ARHGAP12: variants seen among roughly 807,000 people sequenced by gnomAD.
The protein encoded by ARHGAP12 is Rho GTPase activating protein 12.
Under a neutral mutation model 108.6 loss-of-function variants are expected in ARHGAP12, and 64 were observed. The ratio of observed to expected loss-of-function variants is 0.59; its 90% CI spans 0.48 to 0.73. The LOEUF is 0.73. Among genes scored for constraint, ARHGAP12 ranks in the 30% least tolerant of loss-of-function variants. ARHGAP12 has a pLI of 0.00. For synonymous variants in ARHGAP12, 312 were observed against 337.2 expected (o/e 0.93, Z 0.82); for missense variants, 940 against 1,005.9 (o/e 0.93, Z 0.89).
intron 13 of ARHGAP12, among the ~76,000 whole-genome samples, chr10:31,816,168 C>CATGTGT (rs764431709): frequency 7.3e-6 from 1 of 136,330 alleles, no homozygotes; most frequent in East Asian, 2.3e-4. Flanking sequence ...AAGAAAGAAA[C>CATGTGT]GTGTGTGTGT....
Position 31,807,501 on chromosome 10 carries a change from C to T in ARHGAP12, c.*157G>A. ...CAAAGCAGCAAATATGAGGGCCTAA[C>T]ACACATCTCGACTCTCCCCTTCCCT... On this transcript the variant is annotated 3_prime_UTR_variant, in exon 20 of 20. Coordinates refer to ENST00000344936, the MANE Select transcript of ARHGAP12 (RefSeq NM_018287.7). 2 of 572,178 alleles carry T rather than the reference C, an allele frequency of 3.5e-6. No individual in the cohort carries two copies. The highest frequency in any genetic ancestry group is 5.8e-6 in the Non-Finnish European group (2 of 344,806). The allele number at this position is 572,178 out of a possible 1,614,324, so 35.4% of individuals were successfully genotyped here.
chr10:31,855,584 TTAAACATTGAAAGCC>T (rs1836857697), intron 4 of ARHGAP12, among the ~76,000 whole-genome samples: 1 of 152,234 alleles, frequency 6.6e-6, no homozygotes, highest in Non-Finnish European at 1.5e-5. Flanking sequence ...GAAACATTTT[TTAAACATTGAAAGCC>T]TAATTCAAAA....
intron 3 of ARHGAP12, among the ~76,000 whole-genome samples, chr10:31,888,206 C>T (rs1027702200): frequency 6.6e-6 from 1 of 152,120 alleles, no homozygotes; most frequent in Non-Finnish European, 1.5e-5. Flanking sequence ...TGGCACCTCT[C>T]CCTTATTCTG....
chr10:31,921,679 G>A (rs1237587251), intron 1 of ARHGAP12, among the ~76,000 whole-genome samples: 1 of 146,960 alleles, frequency 6.8e-6, no homozygotes, highest in Non-Finnish European at 1.5e-5. Context: ...CAGGAGAATG[G>A]CTTGAACCCT....
chr10:31,820,735 TATAA>T (rs1286089358), intron 11 of ARHGAP12, among the ~76,000 whole-genome samples: 1 of 132,040 alleles, frequency 7.6e-6, no homozygotes, highest in Non-Finnish European at 1.6e-5. Context: ...TATATATATA[TATAA>T]AGCCAAACTG....
intron 9 of ARHGAP12, 111 bp downstream of exon 9, chr10:31,839,194 G>T: frequency 8.7e-7 from 1 of 1,143,814 alleles, no homozygotes; most frequent in Non-Finnish European, 1.2e-6. Flanking sequence ...AGAACTTACA[G>T]TTAAGCTATA....
intron 6 of ARHGAP12, among the ~76,000 whole-genome samples, chr10:31,846,446 C>T (rs1353299199): frequency 6.6e-6 from 1 of 152,148 alleles, no homozygotes; most frequent in Non-Finnish European, 1.5e-5. Context: ...CTGAAAATGT[C>T]CTTATATTAC....
chr10:31,866,360 A>G (rs1470462938), intron 3 of ARHGAP12, among the ~76,000 whole-genome samples: 1 of 152,206 alleles, frequency 6.6e-6, no homozygotes, highest in Non-Finnish European at 1.5e-5. Flanking sequence ...AAAGCGAGTA[A>G]AATACAGAAA....
chr10:31,838,312 T>G (rs576434281), intron 9 of ARHGAP12, among the ~76,000 whole-genome samples: 1 of 151,992 alleles, frequency 6.6e-6, no homozygotes, highest in Non-Finnish European at 1.5e-5. Flanking sequence ...AAATATGAGA[T>G]GAGGTGGTGG....
chr10:31,835,152 C>T (rs551510183), intron 9 of ARHGAP12, among the ~76,000 whole-genome samples: 5 of 149,920 alleles, frequency 3.3e-5, no homozygotes, highest in African/African-American at 9.8e-5. Context: ...GAGCCGAGAT[C>T]GCGCCACTGC....
At chr10:31,878,833 T>C (rs1837832600) in intron 3 of ARHGAP12, among the ~76,000 whole-genome samples, 1 of 152,184 alleles carries the variant, frequency 6.6e-6, no homozygotes, top group African/African-American at 2.4e-5. Context: ...CCTGTGAAAA[T>C]ACCCTCCCAA....
chr10:31,816,739 G>A (rs118044574), intron 13 of ARHGAP12, among the ~76,000 whole-genome samples: 244 of 152,296 alleles, frequency 1.6e-3, no homozygotes, highest in Non-Finnish European at 2.9e-3. Flanking sequence ...GGATGAATCA[G>A]TGATAGGTAA....
At position 31,885,169 on chromosome 10, in the gene ARHGAP12, T is replaced by C. The variant is rs1457317017; in HGVS notation, c.684+23003A>G. Among the ~76,000 whole-genome samples the C allele has an allele frequency of 3.9e-5, 6 of 152,346 alleles. No homozygotes were observed. The East Asian group carries it at 1.2e-3, about 29-fold the overall frequency. On this transcript the variant is annotated intron_variant, in intron 3 of 19. Coordinates refer to ENST00000344936, the MANE Select transcript of ARHGAP12 (RefSeq NM_018287.7). ...CTAGTATGAATAATCAGTTTGTCAT[T>C]CTTTCAAGTAAAATTTACCAATCAA... is the stretch of plus-strand genomic sequence containing the variant.
intron 3 of ARHGAP12, among the ~76,000 whole-genome samples, chr10:31,888,528 G>A (rs1243927539): frequency 6.6e-6 from 1 of 152,236 alleles, no homozygotes; most frequent in African/African-American, 2.4e-5. Flanking sequence ...GAGAAAATCA[G>A]AGATGAGAGA....
chr10:31,924,844 A>G (rs544528774), intron 1 of ARHGAP12, among the ~76,000 whole-genome samples: 45 of 152,302 alleles, frequency 3.0e-4, no homozygotes, highest in Admixed American at 1.2e-3. Context: ...AACAAAGCAA[A>G]CAATACAAAC....
intron 9 of ARHGAP12, among the ~76,000 whole-genome samples, chr10:31,836,081 T>A (rs1426428582): frequency 6.6e-6 from 1 of 152,186 alleles, no homozygotes; most frequent in Non-Finnish European, 1.5e-5. Flanking sequence ...TCATGTTTTT[T>A]AAAAAGGCCT....
chr10:31,820,754 T>G (rs989802969), intron 11 of ARHGAP12, among the ~76,000 whole-genome samples: 3 of 149,654 alleles, frequency 2.0e-5, no homozygotes, highest in Admixed American at 2.0e-4. Context: ...AAACTGAAAT[T>G]TTTTTTACCC....
chr10:31,905,868 T>C (rs963161944), intron 3 of ARHGAP12, among the ~76,000 whole-genome samples: 11 of 139,514 alleles, frequency 7.9e-5, no homozygotes, highest in African/African-American at 2.7e-4. Flanking sequence ...ACAACAATAA[T>C]AACAATGGCA....
Position 31,917,742 on chromosome 10 carries a change from C to G in ARHGAP12, c.-110-7179G>C, listed in dbSNP as rs140088893. Among the ~76,000 whole-genome samples the G allele has an allele frequency of 2.6e-5, 4 of 152,288 alleles. No individual in the cohort carries two copies. The East Asian group carries it at 7.7e-4, about 29-fold the overall frequency. The stretch of plus-strand genomic sequence containing the variant: ...GCCACTGCAAAGTTCTAGTGTCAGA[C>G]ATCAGTAACTCACCCAAAAAAAGGA... On this transcript the variant is annotated intron_variant, in intron 1 of 19. Transcript: ENST00000344936.
Sources: gnomAD v4.1 joint callset for allele counts (sites outside exome capture counted in the v4.1 genomes callset) on GRCh38, gnomAD v4.1.1 for gene constraint, MANE v1.5 for transcripts, NCBI Gene and HGNC (gene_info 2026-07-23, HGNC 2026-07-21) for gene names.